SPINDOC: variants seen among roughly 807,000 people sequenced by gnomAD.
SPINDOC encodes the protein spindlin interactor and repressor of chromatin binding, also known as spindlin interactor and repressor of chromatin-binding protein.
Under a neutral mutation model 30.7 loss-of-function variants are expected in SPINDOC, and 13 were observed. That is an observed-to-expected ratio of 0.42 (90% CI 0.28 to 0.67). The LOEUF is 0.67. Among genes scored for constraint, SPINDOC ranks in the 30% least tolerant of loss-of-function variants. The pLI, the probability that SPINDOC is intolerant of heterozygous loss-of-function variation, is 0.22. For synonymous variants in SPINDOC, 228 were observed against 211.4 expected, an observed-to-expected ratio of 1.08 and a Z score of -0.68; for missense variants, 438 against 518.0, an observed-to-expected ratio of 0.85 and a Z score of 1.50.
At chr11:63,823,200 A>C in intron 5 of SPINDOC, 1 of 1,289,198 alleles carries the variant, frequency 7.8e-7, no homozygotes, top group Non-Finnish European at 1.0e-6. Flanking sequence ...TTTGCGGAGC[A>C]GAGGCTCTGG....
In SPINDOC at chr11:63,818,241, C is replaced by A. The variant is rs545881076; in HGVS notation, c.483C>A (p.Asp161Glu). The stretch of plus-strand genomic sequence containing the variant: ...ACTCGGGCCAGGATGCCCACCCAGA[C>A]CCAGACGCCAACCCAGACGCTGCCA... ...NSDSGQDAHP[D>E]PDANPDAARM... Residue 161 changes from aspartate (D) to glutamate (E), a missense_variant, in exon 3 of 6, where the codon GAC becomes GAA. Transcript: ENST00000294244. This position sits in a 1 kb window ranked among gnomAD's most constrained non-coding sequence, Gnocchi z 5.3. 1.1e-5 allele frequency: 17 copies of A among 1,613,986 alleles called. No individual in the cohort carries two copies. In the African/African-American group the frequency reaches 2.3e-4, roughly 22 times the overall value.
chr11:63,825,810 C>G (rs1186926209), intron 5 of SPINDOC, among the ~76,000 whole-genome samples: 2 of 152,190 alleles, frequency 1.3e-5, no homozygotes, highest in East Asian at 3.8e-4. Context: ...TACCTGTTTT[C>G]TGTGCCACAT....
intron 5 of SPINDOC, chr11:63,822,815 G>A (rs2135155384): frequency 4.7e-6 from 6 of 1,289,106 alleles, no homozygotes; most frequent in Non-Finnish European, 6.1e-6. Flanking sequence ...AAGTCCTGGG[G>A]TACCCTGTGC....
intron 5 of SPINDOC, chr11:63,823,335 C>T: frequency 8.5e-7 from 1 of 1,176,974 alleles, no homozygotes; most frequent in Non-Finnish European, 1.1e-6. Flanking sequence ...TCTCTGAAGA[C>T]TTTATTTAAA....
rs139090600 is a variant in SPINDOC, at chr11:63,814,364, C to A, written c.127+551C>A. Among the ~76,000 whole-genome samples, 1,142 of 152,276 alleles carry A rather than the reference C, an allele frequency of 7.5e-3. 14 individuals are homozygous for A. Among genetic ancestry groups the A allele is most frequent in the Middle Eastern group, 0.065 (19 of 294 alleles). On this transcript the variant is annotated intron_variant, in intron 1 of 5. Coordinates refer to ENST00000294244, the MANE Select transcript of SPINDOC (RefSeq NM_138471.3). ...TCCCGGGCCTTCCACTTGCAGGAGC[C>A]ACAGGTGTCAAGTTCTGGAGAGAAG...
At chr11:63,816,817 A>G (rs1304271373) in intron 1 of SPINDOC, among the ~76,000 whole-genome samples, 2 of 152,280 alleles carry the variant, frequency 1.3e-5, no homozygotes, top group East Asian at 1.9e-4. Flanking sequence ...TAGGAGTGGG[A>G]CCATGGCTGT....
Position 63,827,161 on chromosome 11 carries a change from GA to G in SPINDOC, c.*23del. The G allele has an allele frequency of 6.8e-7, 1 of 1,477,782 alleles. No individual in the cohort carries two copies. The highest frequency in any genetic ancestry group is 9.2e-7 in the Non-Finnish European group (1 of 1,082,158). 91.5% of individuals were successfully genotyped at this position (1,477,782 alleles called of 1,614,324 possible). On this transcript the variant is annotated 3_prime_UTR_variant, in exon 6 of 6. Coordinates refer to ENST00000294244, the MANE Select transcript of SPINDOC (RefSeq NM_138471.3). ...GTAAATTCTTGCTTTCCTGGGGAGG[GA>G]GGGAGGGATGAGGCAGCGTCCCCCA...
intron 5 of SPINDOC, chr11:63,822,629 A>G (rs1237201718): frequency 3.9e-6 from 5 of 1,288,976 alleles, no homozygotes; most frequent in African/African-American, 1.5e-5. Flanking sequence ...AACTGTCTCA[A>G]GTTTCAGCTT....
chr11:63,826,212 A>G (rs2015651353), intron 5 of SPINDOC, among the ~76,000 whole-genome samples: 1 of 152,218 alleles, frequency 6.6e-6, no homozygotes, highest in Non-Finnish European at 1.5e-5. Flanking sequence ...CTGGGATTAC[A>G]GGCATGAGCC....
At position 63,818,553 on chromosome 11, in the gene SPINDOC, AAG is replaced by A; in HGVS notation, c.636_637del (p.Lys213AlafsTer30). On this transcript the variant is annotated frameshift_variant, in exon 4 of 6. Coordinates refer to ENST00000294244, the MANE Select transcript of SPINDOC (RefSeq NM_138471.3). LOFTEE classifies it high-confidence loss of function. This position sits in a 1 kb window ranked among gnomAD's most constrained non-coding sequence, Gnocchi z 5.3. ...PAVPATEPGN[K>X]KPRGQRWKEP... is the part of the protein sequence containing the mutation. The stretch of plus-strand genomic sequence containing the variant: ...TGTCCCTGCCACAGAGCCAGGAAAT[AAG>A]AAGCCCCGTGGTCAGAGATGGAAGG... 2 of 1,613,218 alleles carry A rather than the reference AAG, an allele frequency of 1.2e-6. No individual in the cohort carries two copies. The highest frequency in any genetic ancestry group is 1.7e-6 in the Non-Finnish European group (2 of 1,180,010).
chr11:63,821,168 C>G (rs1226559666), intron 5 of SPINDOC, among the ~76,000 whole-genome samples: 3 of 152,104 alleles, frequency 2.0e-5, no homozygotes, highest in Non-Finnish European at 4.4e-5. Context: ...CCTGGAAGCT[C>G]TAGGGGAAAA....
In SPINDOC at chr11:63,817,765, G is replaced by A. The variant is rs1485540843; in HGVS notation, c.128-40G>A. On this transcript the variant is annotated intron_variant, in intron 1 of 5. Coordinates refer to ENST00000294244, the MANE Select transcript of SPINDOC (RefSeq NM_138471.3). ...ACGTGCTAAGTGTTGTTGGTTGTGGGCACCTTTAGTGATAACACCCTCCCC... is the reference window on the plus strand; with the variant it reads ...ACGTGCTAAGTGTTGTTGGTTGTGGACACCTTTAGTGATAACACCCTCCCC... 4.7e-6 allele frequency: 7 copies of A among 1,488,038 alleles called. No individual in the cohort carries two copies. The South Asian group carries it at 8.0e-5, about 17-fold the overall frequency. The allele number at this position is 1,488,038 out of a possible 1,614,324, so 92.2% of individuals were successfully genotyped here.
intron 5 of SPINDOC, among the ~76,000 whole-genome samples, chr11:63,819,642 G>A (rs1020617597): frequency 5.3e-5 from 8 of 151,882 alleles, no homozygotes; most frequent in South Asian, 2.1e-4. Flanking sequence ...GATTACAGGC[G>A]TGTGCCACCA....
chr11:63,822,610 C>G, intron 5 of SPINDOC: 2 of 1,289,094 alleles, frequency 1.6e-6, no homozygotes, highest in Non-Finnish European at 2.0e-6. Context: ...TCACGTAGAT[C>G]ACAGTTTTAA....
At position 63,817,285 on chromosome 11, in the gene SPINDOC, G is replaced by A. The variant is rs1384418656; in HGVS notation, c.128-520G>A. On this transcript the variant is annotated intron_variant, in intron 1 of 5. Transcript: ENST00000294244. Reference sequence around the variant, plus strand: ...CGCTTGAACCCAGGAGGTCAAGGCTGCAATGAGCTGAGATTACGCCATTGC... The same window carrying A: ...CGCTTGAACCCAGGAGGTCAAGGCTACAATGAGCTGAGATTACGCCATTGC... 3.9e-5 allele frequency among the ~76,000 whole-genome samples: 6 copies of A among 152,288 alleles called. No individual in the cohort carries two copies. In the East Asian group the frequency reaches 1.2e-3, roughly 29 times the overall value.
chr11:63,817,523 AC>A (rs748065216), intron 1 of SPINDOC, among the ~76,000 whole-genome samples: 1 of 152,104 alleles, frequency 6.6e-6, no homozygotes, highest in Non-Finnish European at 1.5e-5. Context: ...AAGGCTGGAG[AC>A]CTGCAAGAAT....
At chr11:63,815,553 G>A (rs2015316717) in intron 1 of SPINDOC, among the ~76,000 whole-genome samples, 1 of 152,220 alleles carries the variant, frequency 6.6e-6, no homozygotes, top group African/African-American at 2.4e-5. Flanking sequence ...TATCTAGCTA[G>A]TGGCGTAAAC....
At chr11:63,820,818 A>T (rs1210526913) in intron 5 of SPINDOC, among the ~76,000 whole-genome samples, 1 of 136,804 alleles carries the variant, frequency 7.3e-6, no homozygotes, top group African/African-American at 2.6e-5. Context: ...TGAACCCGGG[A>T]GGCGGAGCTT....
intron 5 of SPINDOC, among the ~76,000 whole-genome samples, chr11:63,820,909 A>AAAAAAAAC (rs749681859): frequency 1.1e-3 from 150 of 138,396 alleles, no homozygotes; most frequent in Non-Finnish European, 2.1e-3. Context: ...AAAAAAAAAC[A>AAAAAAAAC]ACACACATCG....
Sources: allele counts gnomAD v4.1 joint callset (sites outside exome capture counted in the v4.1 genomes callset), GRCh38; gene constraint gnomAD v4.1.1; non-coding constraint Gnocchi (gnomAD v3.1); transcripts MANE v1.5; gene names NCBI Gene and HGNC (gene_info 2026-07-23, HGNC 2026-07-21).